Variants in RNF111 observed in about 807,000 individuals in gnomAD.
RNF111 encodes ring finger protein 111.
RNF111 carries 17 observed loss-of-function variants against 95.1 expected under a neutral mutation model. The observed-to-expected ratio is 0.18, with a 90% CI of 0.12 to 0.27. RNF111 has a LOEUF of 0.27. RNF111 is among the 10% of genes least tolerant of loss of function. The pLI, the probability that RNF111 is intolerant of heterozygous loss-of-function variation, is 1.00. For missense variants in RNF111, 1,189 were observed against 1,210.4 expected (o/e 0.98, Z 0.26); for synonymous variants, 440 against 414.8 (o/e 1.06, Z -0.74).
rs370233940 is a variant in RNF111 at position 59,067,051 on chromosome 15, A to T, written c.1654A>T (p.Asn552Tyr). ...PPQVQAPCGA[N>Y]SSSGTSYHEQ... ...ACAAGTACAAGCACCTTGTGGAGCA[A>T]ATAGTAGTTCTGGTACCAGCTATCA... Residue 552 changes from asparagine (N) to tyrosine (Y), a missense_variant, in exon 6 of 14, where the codon AAT becomes TAT. Around this residue, in one of 2 missense-constraint regions of RNF111, gnomAD observed 1,024 missense variants for 925.9 expected, o/e 1.11. Coordinates refer to ENST00000348370, the MANE Select transcript of RNF111 (RefSeq NM_017610.8). 9 of 1,614,006 alleles carry T rather than the reference A, an allele frequency of 5.6e-6. No homozygotes were observed. The highest frequency in any genetic ancestry group is 7.6e-6 in the Non-Finnish European group (9 of 1,179,980).
chr15:59,026,546 A>C (rs2040620083), intron 1 of RNF111, among the ~76,000 whole-genome samples: 1 of 152,212 alleles, frequency 6.6e-6, no homozygotes, highest in South Asian at 2.1e-4. Context: ...TCAGCCAATA[A>C]TTTTTACAAA....
intron 1 of RNF111, among the ~76,000 whole-genome samples, chr15:59,026,300 T>A (rs2040604266): frequency 6.6e-6 from 1 of 152,184 alleles, no homozygotes; most frequent in African/African-American, 2.4e-5. Context: ...TAGTATTTTT[T>A]TTTAGCTATC....
At chr15:59,057,242 C>T (rs1320456768) in intron 4 of RNF111, among the ~76,000 whole-genome samples, 2 of 152,176 alleles carry the variant, frequency 1.3e-5, no homozygotes, top group African/African-American at 4.8e-5. Context: ...AAAAAATTGT[C>T]TAGCCCAAAA....
chr15:59,000,196 C>CTAG (rs2039263308), intron 1 of RNF111, among the ~76,000 whole-genome samples: 1 of 135,142 alleles, frequency 7.4e-6, no homozygotes, highest in Non-Finnish European at 1.5e-5. Context: ...CAGGGTCTCT[C>CTAG]TCTGTTACCC....
At chr15:59,015,906 C>T (rs906804053) in intron 1 of RNF111, among the ~76,000 whole-genome samples, 2 of 152,012 alleles carry the variant, frequency 1.3e-5, no homozygotes, top group African/African-American at 2.4e-5. Flanking sequence ...GGTTGGAGTG[C>T]AGTGGCGTGA....
In RNF111 at chr15:59,045,170, T is replaced by TG. The variant is rs1453882593; in HGVS notation, c.881-7135_881-7134insG. Among the ~76,000 whole-genome samples the TG allele has an allele frequency of 2.0e-5, 3 of 151,150 alleles. No homozygotes were observed. The South Asian group carries it at 6.3e-4, about 32-fold the overall frequency. On this transcript the variant is annotated intron_variant, in intron 2 of 13. Coordinates refer to ENST00000348370, the MANE Select transcript of RNF111 (RefSeq NM_017610.8). ...ATAATGTTAGCTTATTTTTTACAGTTTTTTTTTTTAAGTGTTTCCTCTTTT... is the reference window on the plus strand; with the variant it reads ...ATAATGTTAGCTTATTTTTTACAGTTGTTTTTTTTTAAGTGTTTCCTCTTTT...
intron 1 of RNF111, among the ~76,000 whole-genome samples, chr15:58,988,769 ATTTG>A (rs1375527908): frequency 1.3e-5 from 2 of 152,128 alleles, no homozygotes; most frequent in Admixed American, 6.5e-5. Flanking sequence ...TATTCATTTA[ATTTG>A]TTCGTGTGTG....
chr15:59,046,183 CT>C (rs34047420), intron 2 of RNF111, among the ~76,000 whole-genome samples: 42,560 of 142,720 alleles, frequency 0.3, 6,032 homozygotes, highest in Middle Eastern at 0.42. Context: ...CTATTTGCTG[CT>C]TTTTTTTTTT....
chr15:59,072,450 CTTTTTTT>C (rs35989790), intron 6 of RNF111, among the ~76,000 whole-genome samples: 11 of 102,770 alleles, frequency 1.1e-4, no homozygotes, highest in African/African-American at 4.0e-4. Context: ...TCATTTCCAT[CTTTTTTT>C]TTTTTTTTTT....
At chr15:59,090,927 A>C (rs2079035862) in intron 11 of RNF111, 132 bp from the exon 12 acceptor site, 1 of 536,904 alleles carries the variant, frequency 1.9e-6, no homozygotes, top group Non-Finnish European at 3.4e-6. Context: ...TGTCATGTGT[A>C]AGTTTTTTTG....
intron 13 of RNF111, chr15:59,093,471 A>ATTT (rs1419183128): frequency 7.0e-6 from 3 of 430,644 alleles, no homozygotes; most frequent in Non-Finnish European, 1.4e-5. Flanking sequence ...TCAGCCTCCC[A>ATTT]AAATGCTGGG....
intron 5 of RNF111, among the ~76,000 whole-genome samples, chr15:59,065,498 A>T (rs527537781): frequency 6.6e-6 from 1 of 152,280 alleles, no homozygotes; most frequent in African/African-American, 2.4e-5. Context: ...ACCACATTTT[A>T]TAGATGAAAA....
intron 5 of RNF111, among the ~76,000 whole-genome samples, chr15:59,060,368 G>A (rs1488517943): frequency 1.3e-5 from 2 of 151,822 alleles, no homozygotes; most frequent in East Asian, 3.8e-4. Flanking sequence ...TCTTTGGGAG[G>A]CCAGGGACGC....
chr15:59,023,742 G>T (rs1409934552), intron 1 of RNF111, among the ~76,000 whole-genome samples: 1 of 152,012 alleles, frequency 6.6e-6, no homozygotes, highest in African/African-American at 2.4e-5. Flanking sequence ...TTTTCTTCCA[G>T]ATTTTAATGA....
intron 1 of RNF111, among the ~76,000 whole-genome samples, chr15:58,991,965 T>C (rs1381514479): frequency 6.6e-6 from 1 of 152,204 alleles, no homozygotes; most frequent in East Asian, 1.9e-4. Context: ...GCATTATGTT[T>C]ATGTAAGAAA....
chr15:59,094,075 G>A (rs533044817), intron 13 of RNF111, among the ~76,000 whole-genome samples: 43 of 152,202 alleles, frequency 2.8e-4, no homozygotes, highest in African/African-American at 1.0e-3. Context: ...TATCTTGCTT[G>A]GGGGCTTTAT....
intron 11 of RNF111, among the ~76,000 whole-genome samples, chr15:59,090,124 C>T (rs1433861827): frequency 1.3e-5 from 2 of 152,140 alleles, no homozygotes; most frequent in African/African-American, 4.8e-5. Context: ...TTAAGTAATT[C>T]CCTTTGTAGC....
At chr15:59,005,066 C>G (rs1179165297) in intron 1 of RNF111, among the ~76,000 whole-genome samples, 1 of 152,186 alleles carries the variant, frequency 6.6e-6, no homozygotes, top group Non-Finnish European at 1.5e-5. Context: ...ACTTTATGGG[C>G]TTGATGTCTA....
chr15:59,082,942 C>G (rs1313812381), intron 8 of RNF111, among the ~76,000 whole-genome samples: 1 of 152,024 alleles, frequency 6.6e-6, no homozygotes, highest in African/African-American at 2.4e-5. Flanking sequence ...AATAAACATG[C>G]AAAATCTGCA....
Sources: gnomAD v4.1 joint callset for allele counts (sites outside exome capture counted in the v4.1 genomes callset) on GRCh38, gnomAD v4.1.1 for gene constraint, gnomAD v4.1.1 regional missense constraint, MANE v1.5 for transcripts, NCBI Gene and HGNC (gene_info 2026-07-23, HGNC 2026-07-21) for gene names.